The following MDGA2 variants were observed in gnomAD, a reference collection of about 807,000 sequenced individuals.
MDGA2 encodes MAM domain-containing glycosylphosphatidylinositol anchor protein 2.
MDGA2 carries 40 observed loss-of-function variants against 117.8 expected under a neutral mutation model. The ratio of observed to expected loss-of-function variants is 0.34; its 90% CI spans 0.26 to 0.44. The LOEUF (loss-of-function observed/expected upper bound fraction) is 0.44. Ranked by LOEUF, MDGA2 falls within the 20% of genes least tolerant of loss-of-function variation. MDGA2 has a pLI of 1.00. For synonymous variants in MDGA2, 452 were observed against 439.0 expected, an observed-to-expected ratio of 1.03 and a Z score of -0.37; for missense variants, 1,123 against 1,250.6, an observed-to-expected ratio of 0.90 and a Z score of 1.54.
chr14:47,618,806 C>T (rs1311003949), intron 1 of MDGA2, among the ~76,000 whole-genome samples: 1 of 152,098 alleles, frequency 6.6e-6, no homozygotes, highest in East Asian at 1.9e-4. Context: ...GCTTTGGATC[C>T]ATGCAGACTT....
intron 5 of MDGA2, among the ~76,000 whole-genome samples, chr14:47,126,596 T>C (rs954265626): frequency 2.0e-5 from 3 of 152,140 alleles, no homozygotes; most frequent in African/African-American, 4.8e-5. Context: ...ACAGATGACA[T>C]TGACTTTATC....
At chr14:46,872,233 T>C (rs1882033801) in intron 14 of MDGA2, among the ~76,000 whole-genome samples, 1 of 151,966 alleles carries the variant, frequency 6.6e-6, no homozygotes, top group African/African-American at 2.4e-5. Flanking sequence ...CTGATACATA[T>C]TATGTGTCCA....
At chr14:47,520,233 A>G (rs543876244) in intron 1 of MDGA2, among the ~76,000 whole-genome samples, 1 of 152,266 alleles carries the variant, frequency 6.6e-6, no homozygotes, top group South Asian at 2.1e-4. Flanking sequence ...TTCTCTCTTT[A>G]ATGATGTTTT....
chr14:47,272,075 TTTC>T (rs1338685553), intron 2 of MDGA2, among the ~76,000 whole-genome samples: 2 of 152,202 alleles, frequency 1.3e-5, no homozygotes, highest in African/African-American at 4.8e-5. Context: ...TAGCATTTTT[TTTC>T]TTTAGTTAAG....
chr14:47,142,299 C>T (rs1257357099), intron 4 of MDGA2, among the ~76,000 whole-genome samples: 1 of 152,062 alleles, frequency 6.6e-6, no homozygotes, highest in South Asian at 2.1e-4. Context: ...CAAAAATTAG[C>T]CCAGTGTGGT....
chr14:47,492,011 G>A (rs903039012), intron 1 of MDGA2, among the ~76,000 whole-genome samples: 3 of 151,620 alleles, frequency 2.0e-5, no homozygotes, highest in Non-Finnish European at 4.4e-5. Flanking sequence ...GAGTTTGGTC[G>A]GCAAATATAT....
chr14:47,653,914 T>C (rs1305841469), intron 1 of MDGA2, among the ~76,000 whole-genome samples: 1 of 152,144 alleles, frequency 6.6e-6, no homozygotes, highest in Non-Finnish European at 1.5e-5. Context: ...CCCTTAGAGC[T>C]TTCAAAAAGA....
intron 4 of MDGA2, among the ~76,000 whole-genome samples, chr14:47,139,535 A>G (rs1882611394): frequency 6.6e-6 from 1 of 151,836 alleles, no homozygotes; most frequent in Admixed American, 6.6e-5. Flanking sequence ...AATATACTAG[A>G]TCTTATTTTA....
intron 3 of MDGA2, among the ~76,000 whole-genome samples, chr14:47,210,762 T>G (rs1189584259): frequency 6.6e-6 from 1 of 152,152 alleles, no homozygotes; most frequent in Non-Finnish European, 1.5e-5. Context: ...CTCACGCCTG[T>G]AATCCCAACA....
intron 9 of MDGA2, among the ~76,000 whole-genome samples, chr14:46,940,868 T>C (rs1423467580): frequency 2.6e-5 from 4 of 152,114 alleles, no homozygotes; most frequent in Non-Finnish European, 4.4e-5. Flanking sequence ...TGAATATCAT[T>C]TGGGCAAGGA....
intron 3 of MDGA2, among the ~76,000 whole-genome samples, chr14:47,195,977 T>A (rs1885274710): frequency 6.6e-6 from 1 of 152,078 alleles, no homozygotes; most frequent in Non-Finnish European, 1.5e-5. Flanking sequence ...ATTTTGGCAC[T>A]TAGTCCAGGC....
At chr14:47,116,658 T>C (rs1325512639) in intron 5 of MDGA2, among the ~76,000 whole-genome samples, 1 of 151,958 alleles carries the variant, frequency 6.6e-6, no homozygotes, top group Non-Finnish European at 1.5e-5. Context: ...AAAAAGATAG[T>C]CTCCTAGACA....
At chr14:47,513,078 C>A (rs901373699) in intron 1 of MDGA2, among the ~76,000 whole-genome samples, 1 of 151,996 alleles carries the variant, frequency 6.6e-6, no homozygotes, top group South Asian at 2.1e-4. Context: ...ATGTCAATAG[C>A]TTATGCTTTT....
intron 4 of MDGA2, among the ~76,000 whole-genome samples, chr14:47,133,134 A>C (rs567518915): frequency 1.8e-4 from 27 of 151,842 alleles, no homozygotes; most frequent in African/African-American, 3.1e-4. Context: ...AACAAACAAA[A>C]AAAAACTACC....
chr14:46,917,207 G>T (rs571673022), intron 10 of MDGA2, among the ~76,000 whole-genome samples: 5 of 152,146 alleles, frequency 3.3e-5, no homozygotes, highest in Admixed American at 6.5e-5. Context: ...AAATTATTTT[G>T]TGAAAACCAT....
chr14:47,393,182 C>T (rs975106385), intron 1 of MDGA2, among the ~76,000 whole-genome samples: 3 of 151,440 alleles, frequency 2.0e-5, no homozygotes, highest in African/African-American at 7.3e-5. Context: ...TGGAGATTGA[C>T]AGGCTTGAGA....
chr14:47,468,887 C>T (rs1250824210), intron 1 of MDGA2, among the ~76,000 whole-genome samples: 2 of 151,876 alleles, frequency 1.3e-5, no homozygotes, highest in Non-Finnish European at 2.9e-5. Context: ...ATTTAAATTG[C>T]CTTTAAAATG....
At chr14:46,954,562 G>T (rs994848097) in intron 9 of MDGA2, among the ~76,000 whole-genome samples, 1 of 151,854 alleles carries the variant, frequency 6.6e-6, no homozygotes, top group Admixed American at 6.6e-5. Context: ...GGCTCCAGGG[G>T]TTCTTCAGAT....
chr14:47,029,531 C>G (rs1293138991), intron 8 of MDGA2, among the ~76,000 whole-genome samples: 6 of 152,076 alleles, frequency 3.9e-5, no homozygotes, highest in Non-Finnish European at 8.8e-5. Flanking sequence ...GAAGGTACAA[C>G]AAATGTGCAT....
Sources: allele counts gnomAD v4.1 joint callset (sites outside exome capture counted in the v4.1 genomes callset), GRCh38; gene constraint gnomAD v4.1.1; transcripts MANE v1.5; gene names NCBI Gene and HGNC (gene_info 2026-07-23, HGNC 2026-07-21).